PTBP2: variants seen among roughly 807,000 people sequenced by gnomAD.
PTBP2 encodes the protein polypyrimidine tract binding protein 2.
A neutral mutation model predicts 61.4 loss-of-function variants in PTBP2; 13 were observed. The ratio of observed to expected loss-of-function variants is 0.21; its 90% confidence interval spans 0.14 to 0.34. The LOEUF (loss-of-function observed/expected upper bound fraction) is 0.34. Ranked by LOEUF, PTBP2 falls within the 10% of genes least tolerant of loss-of-function variation. The pLI is 1.00. For missense variants in PTBP2, 405 were observed against 642.6 expected (o/e 0.63, Z 4.00); for synonymous variants, 215 against 218.5 (o/e 0.98, Z 0.14).
chr1:96,724,589 G>A (rs1163043288), intron 2 of PTBP2, among the ~76,000 whole-genome samples: 1 of 151,558 alleles, frequency 6.6e-6, no homozygotes, highest in East Asian at 1.9e-4. Flanking sequence ...TCATTTGCAA[G>A]CCTCTCTGTC....
intron 1 of PTBP2, among the ~76,000 whole-genome samples, chr1:96,723,119 A>G (rs559635759): frequency 3.3e-5 from 5 of 152,126 alleles, no homozygotes; most frequent in Non-Finnish European, 7.4e-5. Flanking sequence ...CCTAAAGATT[A>G]TTTTCCAGAT....
intron 11 of PTBP2, among the ~76,000 whole-genome samples, chr1:96,808,723 G>T (rs1333907343): frequency 6.6e-6 from 1 of 151,874 alleles, no homozygotes; most frequent in Non-Finnish European, 1.5e-5. Flanking sequence ...ATTTCTCATT[G>T]CTGCTAGGTA....
At chr1:96,754,237 T>G (rs1654907332) in intron 3 of PTBP2, among the ~76,000 whole-genome samples, 1 of 152,154 alleles carries the variant, frequency 6.6e-6, no homozygotes, top group Admixed American at 6.5e-5. Flanking sequence ...ATGGCATAAC[T>G]TGGCTCTACA....
intron 3 of PTBP2, among the ~76,000 whole-genome samples, chr1:96,762,489 G>T (rs1241030051): frequency 4.0e-5 from 4 of 99,234 alleles, no homozygotes; most frequent in African/African-American, 1.8e-4. Flanking sequence ...TGGCCGGGCT[G>T]GGGGCTGACC....
chr1:96,821,367 T>C (rs1662678054), exon 14 of PTBP2: 1 of 151,940 alleles, frequency 6.6e-6, no homozygotes, highest in African/African-American at 2.4e-5. Flanking sequence ...TTATATCTAT[T>C]TATAAAGTTA....
chr1:96,759,726 T>C (rs6680581), intron 3 of PTBP2, among the ~76,000 whole-genome samples: 6,840 of 152,212 alleles, frequency 0.045, 480 homozygotes, highest in African/African-American at 0.15. Context: ...TGTTAAGACA[T>C]TGAAAAGACA....
At chr1:96,774,827 G>A (rs866746698) in intron 5 of PTBP2, among the ~76,000 whole-genome samples, 2 of 152,238 alleles carry the variant, frequency 1.3e-5, no homozygotes, top group Middle Eastern at 3.4e-3. Flanking sequence ...GGCCCTTTCT[G>A]AGCTTACTAC....
intron 3 of PTBP2, among the ~76,000 whole-genome samples, chr1:96,759,785 G>T (rs965160041): frequency 5.9e-5 from 9 of 152,182 alleles, no homozygotes; most frequent in Admixed American, 4.6e-4. Context: ...ACATGCATAT[G>T]ACTGTATTAG....
At chr1:96,783,650 T>C (rs1658927703) in intron 7 of PTBP2, among the ~76,000 whole-genome samples, 1 of 152,092 alleles carries the variant, frequency 6.6e-6, no homozygotes, top group South Asian at 2.1e-4. Context: ...GCTACTTATC[T>C]TTTGATATTT....
intron 8 of PTBP2, among the ~76,000 whole-genome samples, chr1:96,793,573 G>A (rs6702379): frequency 7.9e-5 from 12 of 151,820 alleles, no homozygotes; most frequent in African/African-American, 2.2e-4. Flanking sequence ...GGCTTTCACC[G>A]TGTTAGCCAG....
intron 8 of PTBP2, among the ~76,000 whole-genome samples, chr1:96,804,414 T>G (rs1661310377): frequency 6.6e-6 from 1 of 150,882 alleles, no homozygotes; most frequent in Admixed American, 6.6e-5. Context: ...TGAATTACCA[T>G]TATGTCGAAA....
At chr1:96,741,151 A>G (rs77706087) in intron 2 of PTBP2, among the ~76,000 whole-genome samples, 1,932 of 149,912 alleles carry the variant, frequency 0.013, 47 homozygotes, top group African/African-American at 0.045. Flanking sequence ...TTTAATTTGC[A>G]TTCCCTATTA....
intron 3 of PTBP2, among the ~76,000 whole-genome samples, chr1:96,756,037 C>T (rs1655118190): frequency 6.6e-6 from 1 of 152,214 alleles, no homozygotes; most frequent in Non-Finnish European, 1.5e-5. Flanking sequence ...GCAACAGGAA[C>T]TCTCACTTAC....
chr1:96,774,369 C>G (rs1336578741), intron 5 of PTBP2, among the ~76,000 whole-genome samples: 1 of 152,154 alleles, frequency 6.6e-6, no homozygotes, highest in Non-Finnish European at 1.5e-5. Context: ...CACTGTGTCT[C>G]CAGTCCATTT....
intron 8 of PTBP2, among the ~76,000 whole-genome samples, chr1:96,800,724 C>A (rs1213209954): frequency 2.6e-5 from 4 of 151,904 alleles, no homozygotes; most frequent in African/African-American, 9.7e-5. Context: ...ACAGAGCAAA[C>A]CTTGTCTCAA....
chr1:96,789,177 AGT>A (rs1183672048), intron 8 of PTBP2, among the ~76,000 whole-genome samples: 7 of 152,024 alleles, frequency 4.6e-5, no homozygotes, highest in East Asian at 3.8e-4. Context: ...GTGTACAAAG[AGT>A]GTTTATTTTA....
At chr1:96,736,011 A>G (rs1194480776) in intron 2 of PTBP2, among the ~76,000 whole-genome samples, 5 of 152,200 alleles carry the variant, frequency 3.3e-5, no homozygotes, top group Non-Finnish European at 2.9e-5. Flanking sequence ...AAGTCCTAAT[A>G]TGCTTCATCA....
intron 8 of PTBP2, among the ~76,000 whole-genome samples, chr1:96,793,937 T>G (rs1660110788): frequency 6.6e-6 from 1 of 152,196 alleles, no homozygotes; most frequent in Non-Finnish European, 1.5e-5. Flanking sequence ...ACCAGCATTT[T>G]CAATGAAATA....
At chr1:96,800,937 C>G (rs1660923908) in intron 8 of PTBP2, among the ~76,000 whole-genome samples, 1 of 151,658 alleles carries the variant, frequency 6.6e-6, no homozygotes, top group Non-Finnish European at 1.5e-5. Flanking sequence ...ATTTTGAAAA[C>G]AATTATGTCT....
Sources: allele counts gnomAD v4.1 joint callset (sites outside exome capture counted in the v4.1 genomes callset), GRCh38; gene constraint gnomAD v4.1.1; transcripts MANE v1.5; gene names NCBI Gene and HGNC (gene_info 2026-07-23, HGNC 2026-07-21).